Variants in UBR3 observed in about 807,000 individuals in gnomAD.
The protein encoded by UBR3 is E3 ubiquitin-protein ligase UBR3.
A neutral mutation model predicts 243.2 loss-of-function variants in UBR3; 85 were observed. The ratio of observed to expected loss-of-function variants is 0.35; its 90% CI spans 0.29 to 0.42. The LOEUF (loss-of-function observed/expected upper bound fraction) is 0.42. Ranked by LOEUF, UBR3 falls within the 10% of genes least tolerant of loss-of-function variation. The pLI, the probability that UBR3 is intolerant of heterozygous loss-of-function variation, is 1.00. For missense variants in UBR3, 1,686 were observed against 2,300.8 expected (o/e 0.73, Z 5.47); for synonymous variants, 748 against 799.8 (o/e 0.94, Z 1.09).
At chr2:169,959,793 T>C (rs1351443408) in intron 24 of UBR3, among the ~76,000 whole-genome samples, 1 of 152,124 alleles carries the variant, frequency 6.6e-6, no homozygotes, top group Non-Finnish European at 1.5e-5. Flanking sequence ...CAAGAGGCCA[T>C]TGTTACAGGT....
chr2:170,001,480 T>A, intron 27 of UBR3, 66 bp downstream of exon 27: 1 of 924,714 alleles, frequency 1.1e-6, no homozygotes, highest in Non-Finnish European at 1.7e-6. Context: ...CTTTTTATAG[T>A]ATATACATCC....
At chr2:169,851,371 C>T (rs765908424) in intron 1 of UBR3, among the ~76,000 whole-genome samples, 21 of 152,292 alleles carry the variant, frequency 1.4e-4, no homozygotes, top group Middle Eastern at 6.8e-3. Flanking sequence ...TCAAGTGATA[C>T]GCCTGCCTCA....
intron 30 of UBR3, among the ~76,000 whole-genome samples, 182 bp from the exon 31 acceptor site, chr2:170,029,164 G>A (rs759906070): frequency 2.1e-4 from 32 of 151,976 alleles, no homozygotes; most frequent in Non-Finnish European, 5.9e-5. Context: ...CAGATTATTT[G>A]GATATGTATT....
rs369511674 is a variant in UBR3, at chr2:169,920,073, A to G, written c.1867-3856A>G. 1.1e-3 allele frequency among the ~76,000 whole-genome samples: 169 copies of G among 152,296 alleles called. 1 individual carries two copies. Among genetic ancestry groups the G allele is most frequent in the South Asian group, 8.5e-3 (41 of 4,826 alleles). On this transcript the variant is annotated intron_variant, in intron 11 of 38. Transcript: ENST00000272793. Reference sequence around the variant, plus strand: ...TTGGAACCAACCCAAATGTCCAACAATGATAGAGTGGATTAAGAAAACGTG... The same window carrying G: ...TTGGAACCAACCCAAATGTCCAACAGTGATAGAGTGGATTAAGAAAACGTG...
At chr2:169,852,426 T>C (rs1010115313) in intron 1 of UBR3, among the ~76,000 whole-genome samples, 1 of 152,224 alleles carries the variant, frequency 6.6e-6, no homozygotes. Context: ...AAAATGTTAT[T>C]GGAACATACC....
At chr2:169,986,196 A>G (rs2088995285) in intron 24 of UBR3, among the ~76,000 whole-genome samples, 1 of 152,212 alleles carries the variant, frequency 6.6e-6, no homozygotes. Flanking sequence ...TGAGAAAGAA[A>G]TAGTTTTTTT....
chr2:170,042,638 G>C (rs1333109114), intron 32 of UBR3, among the ~76,000 whole-genome samples: 2 of 139,316 alleles, frequency 1.4e-5, no homozygotes, highest in Non-Finnish European at 3.0e-5. Flanking sequence ...GCAGTGAGCT[G>C]AGATTGCGCC....
At chr2:169,905,697 T>C (rs2084986275) in intron 9 of UBR3, among the ~76,000 whole-genome samples, 1 of 152,180 alleles carries the variant, frequency 6.6e-6, no homozygotes, top group Non-Finnish European at 1.5e-5. Context: ...TAACCATTAA[T>C]CTAGAAATGT....
chr2:170,077,738 A>G (rs1387808412), intron 36 of UBR3: 4 of 286,960 alleles, frequency 1.4e-5, no homozygotes, highest in African/African-American at 2.2e-5. Flanking sequence ...GGCGCCTGCC[A>G]CTATGCCCAG....
chr2:169,896,170 C>G (rs969623868), intron 7 of UBR3, among the ~76,000 whole-genome samples: 4 of 152,098 alleles, frequency 2.6e-5, no homozygotes, highest in African/African-American at 7.2e-5. Flanking sequence ...TGCCTGTAAT[C>G]CCAGCTACTT....
Position 170,081,951 on chromosome 2 carries a change from A to G in UBR3, c.*108A>G. On this transcript the variant is annotated 3_prime_UTR_variant, in exon 39 of 39. Coordinates refer to ENST00000272793, the MANE Select transcript of UBR3 (RefSeq NM_172070.4). ...ATTAACACTTTTGCTGAGGGAGAAA[A>G]AGAAAACATACATTATGAAGCCTTT... is the stretch of plus-strand genomic sequence containing the variant. The G allele has an allele frequency of 1.3e-6, 1 of 760,488 alleles. No homozygotes were observed. Among genetic ancestry groups the G allele is most frequent in the Admixed American group, 3.0e-5 (1 of 33,362 alleles). 47.1% of individuals were successfully genotyped at this position (760,488 alleles called of 1,614,324 possible).
At chr2:169,831,107 TTATA>T (rs749609873) in intron 1 of UBR3, among the ~76,000 whole-genome samples, 1 of 28,770 alleles carries the variant, frequency 3.5e-5, no homozygotes, top group Non-Finnish European at 8.1e-5. Flanking sequence ...AGTTGGTACA[TTATA>T]TATATATATA....
chr2:170,042,494 G>A (rs2105433013), intron 32 of UBR3, among the ~76,000 whole-genome samples: 1 of 151,998 alleles, frequency 6.6e-6, no homozygotes, highest in South Asian at 2.1e-4. Context: ...CTCATGACCA[G>A]CCTGGCCAAC....
chr2:170,056,014 T>C (rs2091326282), intron 33 of UBR3, among the ~76,000 whole-genome samples: 2 of 121,436 alleles, frequency 1.6e-5, no homozygotes, highest in African/African-American at 6.4e-5. Flanking sequence ...TTTTTTTTTT[T>C]TTTTTTTTTT....
intron 35 of UBR3, among the ~76,000 whole-genome samples, chr2:170,064,379 AAT>A (rs2091511543): frequency 6.6e-6 from 1 of 152,122 alleles, no homozygotes; most frequent in African/African-American, 2.4e-5. Context: ...ATACCCCAGA[AAT>A]ATACACACCT....
intron 28 of UBR3, 54 bp from the exon 29 acceptor site, chr2:170,008,750 A>G (rs2089996859): frequency 3.3e-6 from 3 of 905,226 alleles, no homozygotes; most frequent in Non-Finnish European, 4.9e-6. Context: ...GTTTCAGACC[A>G]TTATTAAAGA....
At chr2:169,831,118 T>TATA (rs1203390197) in intron 1 of UBR3, among the ~76,000 whole-genome samples, 1 of 56,180 alleles carries the variant, frequency 1.8e-5, no homozygotes, top group Non-Finnish European at 3.9e-5. Context: ...TATATATATA[T>TATA]ATATATATAT....
intron 23 of UBR3, among the ~76,000 whole-genome samples, chr2:169,950,654 T>C (rs985655424): frequency 1.3e-5 from 2 of 152,116 alleles, no homozygotes; most frequent in South Asian, 2.1e-4. Flanking sequence ...TCTCAAGATA[T>C]ATACTATGTT....
intron 27 of UBR3, among the ~76,000 whole-genome samples, chr2:170,001,936 A>AAAAAAAAAAAGAAAG (rs2089723480): frequency 7.6e-6 from 1 of 131,638 alleles, no homozygotes; most frequent in Non-Finnish European, 1.6e-5. Context: ...AAAAAAAAAA[A>AAAAAAAAAAAGAAAG]AAAAAAGAAA....
Sources: allele counts gnomAD v4.1 joint callset (sites outside exome capture counted in the v4.1 genomes callset), GRCh38; gene constraint gnomAD v4.1.1; transcripts MANE v1.5; gene names NCBI Gene and HGNC (gene_info 2026-07-23, HGNC 2026-07-21).